Variants in MME observed in about 807,000 individuals in gnomAD.
The protein encoded by MME is membrane metalloendopeptidase, also known as neprilysin.
Under a neutral mutation model 113.2 loss-of-function variants are expected in MME, and 98 were observed. That is an observed-to-expected ratio of 0.87 (90% CI 0.74 to 1.02). MME has a LOEUF of 1.02. Ranked by LOEUF, MME falls within the 50% of genes least tolerant of loss-of-function variation. MME has a pLI of 0.00. For synonymous variants in MME, 292 were observed against 300.6 expected (o/e 0.97, Z 0.30); for missense variants, 836 against 896.0 (o/e 0.93, Z 0.86).
chr3:155,144,213 C>A, intron 13 of MME, 146 bp from the exon 14 acceptor site: 1 of 672,340 alleles, frequency 1.5e-6, no homozygotes, highest in Non-Finnish European at 2.7e-6. Flanking sequence ...TCCCATATAT[C>A]TGTTAGCTTA....
At chr3:155,157,228 C>A (rs546112411) in intron 16 of MME, among the ~76,000 whole-genome samples, 2 of 152,078 alleles carry the variant, frequency 1.3e-5, no homozygotes, top group Non-Finnish European at 2.9e-5. Context: ...AGGTTTCTTC[C>A]TTCCTGCTTC....
intron 12 of MME, among the ~76,000 whole-genome samples, chr3:155,142,839 G>A (rs1422352807): frequency 6.6e-6 from 1 of 152,090 alleles, no homozygotes; most frequent in Non-Finnish European, 1.5e-5. Context: ...AGGCAGTAGG[G>A]ATTGAGGAAG....
chr3:155,083,787 A>C, intron 1 of MME: 1 of 254,666 alleles, frequency 3.9e-6, no homozygotes, highest in South Asian at 4.3e-5. Context: ...TCCAGAGTTC[A>C]AAAGGGTGAG....
chr3:155,161,053 C>CAT (rs1260647722), intron 17 of MME, among the ~76,000 whole-genome samples: 17 of 152,190 alleles, frequency 1.1e-4, no homozygotes, highest in Middle Eastern at 3.4e-3. Context: ...TTATTACAGA[C>CAT]ATATATATAC....
chr3:155,076,005 T>C (rs1714736339), upstream of MME, among the ~76,000 whole-genome samples: 1 of 152,256 alleles, frequency 6.6e-6, no homozygotes, highest in South Asian at 2.1e-4. Flanking sequence ...AGATCTTCCA[T>C]AAACTATTAT....
intron 9 of MME, among the ~76,000 whole-genome samples, chr3:155,139,195 G>C (rs140215420): frequency 6.6e-6 from 1 of 152,216 alleles, no homozygotes; most frequent in East Asian, 1.9e-4. Context: ...AATGTTTCCT[G>C]CTCTGGGTTT....
At chr3:155,088,858 A>G (rs1370031) in intron 3 of MME, among the ~76,000 whole-genome samples, 26,446 of 152,112 alleles carry the variant, frequency 0.17, 3,065 homozygotes, top group Non-Finnish European at 0.26. Flanking sequence ...TGCTTACATT[A>G]TATGAAAGAT....
chr3:155,088,680 T>G, intron 3 of MME, among the ~76,000 whole-genome samples: 1 of 107,986 alleles, frequency 9.3e-6, no homozygotes, highest in African/African-American at 3.5e-5. Flanking sequence ...TGAAACTCCA[T>G]CTCAAAAAAA....
chr3:155,067,141 C>G (rs1363549568), intron 1 of MME, among the ~76,000 whole-genome samples: 1 of 150,584 alleles, frequency 6.6e-6, no homozygotes, highest in Non-Finnish European at 1.5e-5. Flanking sequence ...AAAAGATTCT[C>G]CCAGAGACTT....
chr3:155,041,226 G>A lies in MME; in HGVS notation c.-11+16902G>A, dbSNP rs140086430. 1.8e-3 allele frequency among the ~76,000 whole-genome samples: 269 copies of A among 152,132 alleles called. 1 individual carries two copies. The highest frequency in any genetic ancestry group is 6.4e-3 in the African/African-American group (265 of 41,510). On this transcript the variant is annotated intron_variant, in intron 1 of 22. Coordinates refer to the MME transcript ENST00000492661. ...GTCCATGTCACCATGTCACTCCCCT[G>A]TAGACCTGTTTTCATTATTGCCCCT... is the stretch of plus-strand genomic sequence containing the variant.
chr3:155,056,645 C>T (rs891176050), intron 1 of MME, among the ~76,000 whole-genome samples: 63 of 151,818 alleles, frequency 4.1e-4, no homozygotes, highest in African/African-American at 9.2e-4. Flanking sequence ...CATACGTGTG[C>T]GTGTGTCTTT....
chr3:155,096,569 C>T (rs1469413262), intron 3 of MME, among the ~76,000 whole-genome samples: 1 of 152,060 alleles, frequency 6.6e-6, no homozygotes. Flanking sequence ...TTAAATGACG[C>T]ATGACTTTAT....
chr3:155,042,918 A>ATATATATATATATATATATACG (rs1713394040), intron 1 of MME, among the ~76,000 whole-genome samples: 1 of 53,636 alleles, frequency 1.9e-5, no homozygotes, highest in East Asian at 6.5e-4. Flanking sequence ...ATATATATAT[A>ATATATATATATATATATATACG]TATATATATA....
rs1712982103 is a variant in MME at position 155,180,474 on chromosome 3, A to G, written c.*15A>G. ...GGGTTTGGTGATCTTCAAAAGAAGC[A>G]TTGCAGCCCTTGGCTAGACTTGCCA... On this transcript the variant is annotated 3_prime_UTR_variant, in exon 23 of 23. Coordinates refer to ENST00000360490, the MANE Select transcript of MME (RefSeq NM_007289.4). 4 of 1,598,938 alleles carry G rather than the reference A, an allele frequency of 2.5e-6. No homozygotes were observed. Among genetic ancestry groups the G allele is most frequent in the Middle Eastern group, 3.3e-4 (2 of 6,058 alleles).
intron 3 of MME, among the ~76,000 whole-genome samples, chr3:155,111,586 TGATCAGA>T (rs1414447844): frequency 5.3e-5 from 8 of 152,240 alleles, no homozygotes; most frequent in Admixed American, 3.9e-4. Context: ...TTTGCACTCA[TGATCAGA>T]GAACTGAAAC....
intron 1 of MME, among the ~76,000 whole-genome samples, 198 bp downstream of exon 1, chr3:155,080,664 A>C (rs1280922735): frequency 1.3e-5 from 2 of 152,148 alleles, no homozygotes; most frequent in African/African-American, 4.8e-5. Context: ...TGTAGATGAA[A>C]GTTTAAGACC....
chr3:155,110,414 G>A (rs917716770), intron 3 of MME, among the ~76,000 whole-genome samples: 1 of 152,184 alleles, frequency 6.6e-6, no homozygotes, highest in Non-Finnish European at 1.5e-5. Context: ...TTTTCCCAGC[G>A]TATACTACAT....
At chr3:155,074,628 C>G (rs1258344377) in intron 1 of MME, among the ~76,000 whole-genome samples, 2 of 151,998 alleles carry the variant, frequency 1.3e-5, no homozygotes, top group Non-Finnish European at 2.9e-5. Flanking sequence ...GGGGAGGTTT[C>G]TCCATGTTGG....
intron 1 of MME, among the ~76,000 whole-genome samples, chr3:155,026,976 G>C (rs1195509663): frequency 6.6e-6 from 1 of 152,072 alleles, no homozygotes; most frequent in Non-Finnish European, 1.5e-5. Flanking sequence ...ATTTTAACAA[G>C]CATTGATTCA....
Sources: allele counts gnomAD v4.1 joint callset (sites outside exome capture counted in the v4.1 genomes callset), GRCh38; gene constraint gnomAD v4.1.1; transcripts MANE v1.5; gene names NCBI Gene and HGNC (gene_info 2026-07-23, HGNC 2026-07-21).